Variants in FBXO33 observed in about 807,000 individuals in gnomAD.
The protein encoded by FBXO33 is F-box only protein 33.
In FBXO33, 22 loss-of-function variants were observed where a neutral mutation model predicts 46.3. That is an observed-to-expected ratio of 0.48 (90% CI 0.34 to 0.68). The LOEUF (loss-of-function observed/expected upper bound fraction) is 0.68, where lower values mean the gene tolerates loss of function less well. Ranked by LOEUF, FBXO33 falls within the 30% of genes least tolerant of loss-of-function variation. The pLI, the probability that FBXO33 is intolerant of heterozygous loss-of-function variation, is 0.01. For missense variants in FBXO33, 692 were observed against 708.8 expected (o/e 0.98, Z 0.27); for synonymous variants, 337 against 291.3 (o/e 1.16, Z -1.60).
At position 39,431,912 on chromosome 14, in the gene FBXO33, G is replaced by A. The variant is rs1437399540; in HGVS notation, c.251C>T (p.Pro84Leu). The A allele has an allele frequency of 6.5e-7, 1 of 1,542,074 alleles. No homozygotes were observed. The highest frequency in any genetic ancestry group is 8.7e-7 in the Non-Finnish European group (1 of 1,150,212). The change falls in exon 1 of 4, where the codon CCG (proline) becomes CTG (leucine). Residue 84 changes from proline to leucine, a missense_variant. Around this residue, in one of 3 missense-constraint regions of FBXO33, gnomAD observed 412 missense variants for 370.8 expected, o/e 1.11. Coordinates refer to ENST00000298097, the MANE Select transcript of FBXO33 (RefSeq NM_203301.4). ...ELIVHIFSFL[P>L]APDRLRASAS... ...CGAGGCCCGCAGCCGGTCGGGCGCC[G>A]GCAGAAAAGAGAAGATGTGCACGAT... is the stretch of plus-strand genomic sequence containing the variant.
At chr14:39,428,506 A>T (rs1401953989) in intron 1 of FBXO33, among the ~76,000 whole-genome samples, 1 of 151,656 alleles carries the variant, frequency 6.6e-6, no homozygotes, top group Admixed American at 6.6e-5. Context: ...CTGGCCAACG[A>T]TATGAATTCT....
chr14:39,401,465 G>A lies in FBXO33; in HGVS notation c.1107C>T (p.Ser369=), dbSNP rs1413457083. ...HWKALSRKST[S]FRVYIMAFDI... The stretch of plus-strand genomic sequence containing the variant: ...CAAAAGCCATTATATAGACCCGAAA[G>A]CTGGTGCTCTTTCGTGACAGGGCTT... Residue 369 remains serine, a synonymous_variant, in exon 3 of 4, where the codon AGC becomes AGT. Transcript: ENST00000298097. 1.9e-6 allele frequency: 3 copies of A among 1,614,004 alleles called. No homozygotes were observed. Among genetic ancestry groups the A allele is most frequent in the Non-Finnish European group, 2.5e-6 (3 of 1,180,034 alleles).
At chr14:39,426,335 C>G (rs1595988759) in intron 1 of FBXO33, among the ~76,000 whole-genome samples, 1 of 152,102 alleles carries the variant, frequency 6.6e-6, no homozygotes. Context: ...TTTTTTTCAT[C>G]TCTCCTGCCT....
At chr14:39,411,372 G>T (rs898781950) in intron 1 of FBXO33, among the ~76,000 whole-genome samples, 1 of 152,186 alleles carries the variant, frequency 6.6e-6, no homozygotes, top group East Asian at 1.9e-4. Flanking sequence ...GCTTACAGGT[G>T]TGAGCCACTG....
At chr14:39,402,033 T>C (rs1400048145) in intron 2 of FBXO33, among the ~76,000 whole-genome samples, 172 bp from the exon 3 acceptor site, 1 of 152,198 alleles carries the variant, frequency 6.6e-6, no homozygotes, top group Non-Finnish European at 1.5e-5. Context: ...CATTAAAATA[T>C]AATGAATAAG....
Position 39,402,494 on chromosome 14 carries a change from C to A in FBXO33, c.617G>T (p.Ser206Ile). 1 of 1,527,514 alleles carries A rather than the reference C, an allele frequency of 6.5e-7. No homozygotes were observed. The highest frequency in any genetic ancestry group is 8.8e-7 in the Non-Finnish European group (1 of 1,135,590). 94.6% of individuals were successfully genotyped at this position (1,527,514 alleles called of 1,614,324 possible). Residue 206 changes from serine to isoleucine, a missense_variant, in exon 2 of 4, where the codon AGT becomes ATT. This residue lies in a region of FBXO33 where 412 missense variants were observed against 370.8 expected (regional missense o/e 1.11). Transcript: ENST00000298097. ...IRNNRNLQKF[S>I]LFGDISVLQQ... ...TAGAACACTTATGTCTCCAAAAAGA[C>A]TAAACTTCTGAAGGTTCCTACAAGA...
Position 39,401,775 on chromosome 14 carries a change from G to A in FBXO33, c.797C>T (p.Pro266Leu), listed in dbSNP as rs747689922. The A allele has an allele frequency of 6.2e-7, 1 of 1,614,026 alleles. No individual in the cohort carries two copies. Among genetic ancestry groups the A allele is most frequent in the African/African-American group, 1.3e-5 (1 of 74,920 alleles). The change falls in exon 3 of 4, where the codon CCA (proline) becomes CTA (leucine). Residue 266 changes from proline (P) to leucine (L), a missense_variant. By Grantham distance (98) the Pro-to-Leu change is moderately conservative. Around this residue, in one of 3 missense-constraint regions of FBXO33, gnomAD observed 412 missense variants for 370.8 expected, o/e 1.11. Transcript: ENST00000298097. Reference protein sequence around the residue: ...SCGFMLEIVTPTSLSSLSNAV... With the variant: ...SCGFMLEIVTLTSLSSLSNAV... ...ATTAGAGAGAGATGACAGTGATGTT[G>A]GGGTTACTATTTCCAGCATAAACCC...
rs752833847 is a variant in FBXO33, at chr14:39,402,355, ATAT to A, written c.710+43_710+45del. 1.6e-5 allele frequency: 17 copies of A among 1,074,726 alleles called. No individual in the cohort carries two copies. The East Asian group carries it at 2.7e-4, about 17-fold the overall frequency. 66.6% of individuals were successfully genotyped at this position (1,074,726 alleles called of 1,614,324 possible). Reference sequence around the variant, plus strand: ...TATCTCATAATTTCTTAGGAAAAACATATTATTAATAGTACAACCTCCTTTCCA... The same window carrying A: ...TATCTCATAATTTCTTAGGAAAAACATATTAATAGTACAACCTCCTTTCCA... On this transcript the variant is annotated intron_variant, in intron 2 of 3. Transcript: ENST00000298097.
At chr14:39,405,255 A>G (rs1016659195) in intron 1 of FBXO33, among the ~76,000 whole-genome samples, 1 of 152,176 alleles carries the variant, frequency 6.6e-6, no homozygotes, top group Non-Finnish European at 1.5e-5. Context: ...GTATTTTAGT[A>G]ATAGAGATGA....
At chr14:39,413,871 C>T (rs1005044739) in intron 1 of FBXO33, among the ~76,000 whole-genome samples, 2 of 152,194 alleles carry the variant, frequency 1.3e-5, no homozygotes, top group East Asian at 1.9e-4. Context: ...CTATCATCCA[C>T]GCTATGTTGT....
chr14:39,422,700 C>A (rs2415548), intron 1 of FBXO33, among the ~76,000 whole-genome samples: 1 of 152,248 alleles, frequency 6.6e-6, no homozygotes, highest in Non-Finnish European at 1.5e-5. Context: ...TGACATAAGA[C>A]AATATCTTTT....
Position 39,432,134 on chromosome 14 carries a change from G to T in FBXO33, c.29C>A (p.Pro10His), listed in dbSNP as rs1206613498. Residue 10 changes from proline to histidine, a missense_variant, in exon 1 of 4, where the codon CCC becomes CAC. Coordinates refer to ENST00000298097, the MANE Select transcript of FBXO33 (RefSeq NM_203301.4). ...TCGGGTTCGAGCTCCCGGCGGTCGG[G>T]GCTGCGGCACTGACAAGAACAACAA... is the stretch of plus-strand genomic sequence containing the variant. MLLFLSVPQ[P>H]RPPGARTRAG... 8.1e-7 allele frequency: 1 copy of T among 1,241,236 alleles called. No individual in the cohort carries two copies. 76.9% of individuals were successfully genotyped at this position (1,241,236 alleles called of 1,614,324 possible).
At chr14:39,400,876 T>C (rs1383345948) in intron 3 of FBXO33, among the ~76,000 whole-genome samples, 2 of 152,214 alleles carry the variant, frequency 1.3e-5, no homozygotes, top group Non-Finnish European at 2.9e-5. Flanking sequence ...AGAGGAAATA[T>C]ATCTACCACA....
rs1374529670 is a variant in FBXO33, at chr14:39,401,797, A to G, written c.775T>C (p.Phe259Leu). 3.7e-6 allele frequency: 6 copies of G among 1,614,136 alleles called. No homozygotes were observed. The East Asian group carries it at 1.3e-4, about 36-fold the overall frequency. The change falls in exon 3 of 4, where the codon TTT becomes CTT. Residue 259 changes from phenylalanine (F) to leucine (L), a missense_variant. By Grantham distance (22) the Phe-to-Leu change is conservative (BLOSUM62 0). Around this residue, in one of 3 missense-constraint regions of FBXO33, gnomAD observed 412 missense variants for 370.8 expected, o/e 1.11. Coordinates refer to ENST00000298097, the MANE Select transcript of FBXO33 (RefSeq NM_203301.4). ...GTTGGGGTTACTATTTCCAGCATAAACCCACAGGACAGCCATTTCAGTTGC... is the reference window on the plus strand; with the variant it reads ...GTTGGGGTTACTATTTCCAGCATAAGCCCACAGGACAGCCATTTCAGTTGC... ...SRQLKWLSCG[F>L]MLEIVTPTSL...
chr14:39,401,179 G>T lies in FBXO33; in HGVS notation c.1393C>A (p.His465Asn). 1 of 1,573,576 alleles carries T rather than the reference G, an allele frequency of 6.4e-7. No individual in the cohort carries two copies. Among genetic ancestry groups the T allele is most frequent in the South Asian group, 1.2e-5 (1 of 82,806 alleles). ...TACAATGAACAAGATCACCTACCAT[G>T]AATTGCCAGAAGAGAGAGCTTTGTG... ...RCTKLSLLAI[H>N]GYTVWAHNLI... Residue 465 changes from histidine to asparagine, a missense_variant, in exon 3 of 4, where the codon CAT becomes AAT. By Grantham distance (68) the His-to-Asn change is moderately conservative. Transcript: ENST00000298097.
intron 1 of FBXO33, among the ~76,000 whole-genome samples, chr14:39,425,504 C>G (rs1029714777): frequency 6.6e-6 from 1 of 151,950 alleles, no homozygotes; most frequent in African/African-American, 2.4e-5. Flanking sequence ...TGACATATAA[C>G]TTTTTTCCTT....
intron 1 of FBXO33, among the ~76,000 whole-genome samples, chr14:39,410,624 T>C (rs1380341228): frequency 6.6e-6 from 1 of 152,236 alleles, no homozygotes; most frequent in African/African-American, 2.4e-5. Flanking sequence ...AAATATTTGG[T>C]AGAATTCACC....
chr14:39,416,285 T>C (rs1252385731), intron 1 of FBXO33, among the ~76,000 whole-genome samples: 1 of 152,136 alleles, frequency 6.6e-6, no homozygotes, highest in Non-Finnish European at 1.5e-5. Context: ...TCAGCGCTTA[T>C]CTCACTTACC....
At chr14:39,418,345 G>A (rs2075460005) in intron 1 of FBXO33, among the ~76,000 whole-genome samples, 2 of 151,630 alleles carry the variant, frequency 1.3e-5, no homozygotes, top group Admixed American at 6.6e-5. Context: ...TTACAGGCCG[G>A]AGCCACTGTG....
Sources: gnomAD v4.1 joint callset for allele counts (sites outside exome capture counted in the v4.1 genomes callset) on GRCh38, gnomAD v4.1.1 for gene constraint, gnomAD v4.1.1 regional missense constraint, MANE v1.5 for transcripts, NCBI Gene and HGNC (gene_info 2026-07-23, HGNC 2026-07-21) for gene names.